The following GAB2 variants were observed in gnomAD, a reference collection of about 807,000 sequenced individuals.
GAB2 encodes GRB2 associated binding protein 2, also known as GRB2-associated-binding protein 2.
A neutral mutation model predicts 65.5 loss-of-function variants in GAB2; 26 were observed. The observed-to-expected ratio is 0.40, with a 90% confidence interval of 0.29 to 0.55. The LOEUF (loss-of-function observed/expected upper bound fraction) is 0.55, where lower values mean the gene tolerates loss of function less well. Ranked by LOEUF, GAB2 falls within the 20% of genes least tolerant of loss-of-function variation. The pLI, the probability that GAB2 is intolerant of heterozygous loss-of-function variation, is 0.53. For missense variants in GAB2, 884 were observed against 875.8 expected (o/e 1.01, Z -0.12); for synonymous variants, 321 against 329.6 (o/e 0.97, Z 0.28).
intron 1 of GAB2, among the ~76,000 whole-genome samples, chr11:78,383,786 C>A (rs549969310): frequency 7.9e-5 from 12 of 151,980 alleles, no homozygotes; most frequent in African/African-American, 2.9e-4. Context: ...CCACAGACCT[C>A]GTCCCAGGAG....
chr11:78,257,718 A>G (rs1475355305), intron 2 of GAB2, among the ~76,000 whole-genome samples: 2 of 152,212 alleles, frequency 1.3e-5, no homozygotes, highest in Non-Finnish European at 2.9e-5. Context: ...AATGAGAACC[A>G]AAAGGACAAC....
intron 1 of GAB2, among the ~76,000 whole-genome samples, chr11:78,364,760 A>C (rs527864648): frequency 6.6e-6 from 1 of 152,318 alleles, no homozygotes; most frequent in African/African-American, 2.4e-5. Flanking sequence ...GGATTTTATC[A>C]AACTTTCCTG....
intron 1 of GAB2, among the ~76,000 whole-genome samples, chr11:78,410,014 G>A (rs1288015939): frequency 6.6e-6 from 1 of 152,014 alleles, no homozygotes; most frequent in Non-Finnish European, 1.5e-5. Context: ...CAATGTACTT[G>A]TAAATAATCC....
intron 1 of GAB2, among the ~76,000 whole-genome samples, chr11:78,309,926 A>ATGTGTGTGTGTGTGTG (rs60718900): frequency 1.2e-4 from 16 of 135,694 alleles, no homozygotes; most frequent in East Asian, 4.5e-4. Flanking sequence ...AGGGTTAGAA[A>ATGTGTGTGTGTGTGTG]TGTGTGTGTG....
At chr11:78,371,053 G>A (rs1357460645) in intron 1 of GAB2, among the ~76,000 whole-genome samples, 2 of 152,184 alleles carry the variant, frequency 1.3e-5, no homozygotes, top group Non-Finnish European at 2.9e-5. Flanking sequence ...GAGGGAAGAT[G>A]AGACAGCCAG....
Position 78,250,451 on chromosome 11 carries a change from T to C in GAB2, c.377-51A>G, listed in dbSNP as rs554670796. The C allele has an allele frequency of 3.9e-6, 6 of 1,534,166 alleles. No individual in the cohort carries two copies. In the East Asian group the frequency reaches 6.8e-5, roughly 17 times the overall value. ...ATGAAAAAGGAAGGAAATGTATCCT[T>C]ATCCCAAAGTGAGTTGTCAGAGGAA... On this transcript the variant is annotated intron_variant, in intron 2 of 9. Transcript: ENST00000361507.
At chr11:78,362,299 C>T (rs1856444570) in intron 1 of GAB2, among the ~76,000 whole-genome samples, 1 of 152,026 alleles carries the variant, frequency 6.6e-6, no homozygotes, top group Non-Finnish European at 1.5e-5. Context: ...TCACAGTATA[C>T]TTTTCAAATA....
chr11:78,241,991 A>G (rs1252732882), intron 3 of GAB2, among the ~76,000 whole-genome samples: 2 of 152,252 alleles, frequency 1.3e-5, no homozygotes, highest in Non-Finnish European at 2.9e-5. Context: ...GCTGCAGAGT[A>G]TAATTCTTCT....
At chr11:78,302,285 A>C (rs553683969) in intron 1 of GAB2, among the ~76,000 whole-genome samples, 1 of 152,346 alleles carries the variant, frequency 6.6e-6, no homozygotes, top group Admixed American at 6.5e-5. Flanking sequence ...CAGTCTATAC[A>C]TCTGACAAAG....
intron 2 of GAB2, among the ~76,000 whole-genome samples, chr11:78,279,189 T>G (rs564044402): frequency 2.0e-4 from 30 of 152,180 alleles, no homozygotes; most frequent in Non-Finnish European, 4.3e-4. Flanking sequence ...AATCACAGAA[T>G]TCCTAGGTTA....
rs1467946740 is a variant in GAB2 at position 78,216,357 on chromosome 11, G to A, written c.*2915C>T. On this transcript the variant is annotated 3_prime_UTR_variant, in exon 10 of 10. Coordinates refer to ENST00000361507, the MANE Select transcript of GAB2 (RefSeq NM_080491.3). ...GGCTCAGTCCTCTCCAGGCCCCCAG[G>A]AGAGGTGGACTTTGACCCATGGATA... 1 of 152,212 alleles carries A rather than the reference G, an allele frequency of 6.6e-6. No homozygotes were observed. The highest frequency in any genetic ancestry group is 2.4e-5 in the African/African-American group (1 of 41,446). 9.4% of individuals were successfully genotyped at this position (152,212 alleles called of 1,614,324 possible).
intron 1 of GAB2, among the ~76,000 whole-genome samples, chr11:78,382,576 C>T (rs942272253): frequency 6.6e-6 from 1 of 152,038 alleles, no homozygotes; most frequent in African/African-American, 2.4e-5. Context: ...CTAATAGACC[C>T]TCCAAGAACA....
chr11:78,248,516 A>C (rs1865357948), intron 3 of GAB2, among the ~76,000 whole-genome samples: 1 of 152,242 alleles, frequency 6.6e-6, no homozygotes, highest in African/African-American at 2.4e-5. Context: ...AAGGCACTAC[A>C]GCTAAGTACT....
intron 1 of GAB2, among the ~76,000 whole-genome samples, chr11:78,345,227 A>C (rs11237459): frequency 0.29 from 43,787 of 151,828 alleles, 7,732 homozygotes; most frequent in African/African-American, 0.49. Flanking sequence ...TGCAGTGAGT[A>C]GAGTATCGCA....
chr11:78,220,168 C>G (rs1308868612), intron 9 of GAB2, 151 bp downstream of exon 9: 3 of 769,958 alleles, frequency 3.9e-6, no homozygotes, highest in African/African-American at 3.5e-5. Flanking sequence ...GATGAAAGCT[C>G]TATGACTAAA....
At chr11:78,343,324 C>T (rs1856129131) in intron 1 of GAB2, among the ~76,000 whole-genome samples, 1 of 148,418 alleles carries the variant, frequency 6.7e-6, no homozygotes, top group Non-Finnish European at 1.5e-5. Flanking sequence ...TCCTCCCAAA[C>T]CCCAAAGAAG....
chr11:78,256,309 C>T (rs1489291983), intron 2 of GAB2, among the ~76,000 whole-genome samples: 1 of 152,174 alleles, frequency 6.6e-6, no homozygotes, highest in African/African-American at 2.4e-5. Context: ...TCATAAAAGA[C>T]CACAGATCTA....
chr11:78,371,485 T>C (rs1856570817), intron 1 of GAB2, among the ~76,000 whole-genome samples: 1 of 152,216 alleles, frequency 6.6e-6, no homozygotes, highest in Non-Finnish European at 1.5e-5. Context: ...GAGGGGCTGA[T>C]TCTTTTCCTT....
At chr11:78,371,061 C>T (rs1433528898) in intron 1 of GAB2, among the ~76,000 whole-genome samples, 2 of 152,120 alleles carry the variant, frequency 1.3e-5, no homozygotes, top group East Asian at 3.9e-4. Context: ...ATGAGACAGC[C>T]AGCACTGTTA....
Sources: gnomAD v4.1 joint callset for allele counts (sites outside exome capture counted in the v4.1 genomes callset) on GRCh38, gnomAD v4.1.1 for gene constraint, MANE v1.5 for transcripts, NCBI Gene and HGNC (gene_info 2026-07-23, HGNC 2026-07-21) for gene names.